CBLB: variants seen among roughly 807,000 people sequenced by gnomAD.
The protein encoded by CBLB is E3 ubiquitin-protein ligase CBL-B.
A neutral mutation model predicts 104.9 loss-of-function variants in CBLB; 31 were observed. The ratio of observed to expected loss-of-function variants is 0.30; its 90% confidence interval spans 0.22 to 0.40. The LOEUF is 0.40. Among genes scored for constraint, CBLB ranks in the 10% least tolerant of loss-of-function variants. CBLB has a pLI of 1.00. For missense variants in CBLB, 1,062 were observed against 1,214.6 expected (o/e 0.87, Z 1.87); for synonymous variants, 440 against 422.6 (o/e 1.04, Z -0.51).
intron 7 of CBLB, 108 bp downstream of exon 7, chr3:105,740,386 T>A: frequency 9.1e-7 from 1 of 1,096,680 alleles, no homozygotes; most frequent in South Asian, 1.3e-5. Context: ...TATTTCTCAG[T>A]CTTAACATAA....
At position 105,670,314 on chromosome 3, in the gene CBLB, G is replaced by A; in HGVS notation, c.2608C>T (p.Pro870Ser). The change falls in exon 18 of 19, where the codon CCT becomes TCT. Residue 870 changes from proline (P) to serine (S), a missense_variant. By Grantham distance (74) the Pro-to-Ser change is moderately conservative. Around this residue, in one of 2 missense-constraint regions of CBLB, gnomAD observed 605 missense variants for 582.6 expected, o/e 1.04. Coordinates refer to ENST00000394030, the MANE Select transcript of CBLB (RefSeq NM_170662.5). ...VDLASGQVPL[P>S]PARRLPGENV... ...TCACCTGGTAACCTTCTAGCAGGAG[G>A]CAAAGGAACTTGGCCACTTGCTAGA... is the stretch of plus-strand genomic sequence containing the variant. 1 of 1,609,112 alleles carries A rather than the reference G, an allele frequency of 6.2e-7. No individual in the cohort carries two copies. The highest frequency in any genetic ancestry group is 8.5e-7 in the Non-Finnish European group (1 of 1,175,762).
chr3:105,855,832 A>C (rs770143596), intron 2 of CBLB, among the ~76,000 whole-genome samples: 1 of 152,266 alleles, frequency 6.6e-6, no homozygotes, highest in Non-Finnish European at 1.5e-5. Context: ...TCACTTTCAT[A>C]AACAATTTGA....
At chr3:105,784,560 C>T (rs569710811) in intron 3 of CBLB, among the ~76,000 whole-genome samples, 49 of 152,210 alleles carry the variant, frequency 3.2e-4, no homozygotes, top group African/African-American at 1.2e-3. Flanking sequence ...TTGCTATTCC[C>T]AGTAGTCTAT....
intron 3 of CBLB, among the ~76,000 whole-genome samples, chr3:105,801,160 T>C (rs909433931): frequency 6.6e-6 from 1 of 152,166 alleles, no homozygotes; most frequent in Non-Finnish European, 1.5e-5. Flanking sequence ...GGCTGAAATA[T>C]TGGCTAATTA....
At chr3:105,692,676 G>A (rs1255573175) in intron 13 of CBLB, among the ~76,000 whole-genome samples, 1 of 151,868 alleles carries the variant, frequency 6.6e-6, no homozygotes, top group Non-Finnish European at 1.5e-5. Context: ...TTAATTTAAT[G>A]GAAAAAGGGA....
At chr3:105,773,733 A>T (rs1451871211) in intron 4 of CBLB, among the ~76,000 whole-genome samples, 1 of 152,232 alleles carries the variant, frequency 6.6e-6, no homozygotes, top group African/African-American at 2.4e-5. Context: ...AGACACATTT[A>T]TTCAATAATG....
chr3:105,825,843 T>C (rs531626000), intron 3 of CBLB, among the ~76,000 whole-genome samples: 1 of 152,312 alleles, frequency 6.6e-6, no homozygotes, highest in South Asian at 2.1e-4. Context: ...ATGTTAAGCA[T>C]TCATTTTCCA....
chr3:105,777,578 G>A (rs1005235999), intron 3 of CBLB, among the ~76,000 whole-genome samples: 4 of 152,172 alleles, frequency 2.6e-5, no homozygotes, highest in African/African-American at 4.8e-5. Flanking sequence ...ACATGAACAC[G>A]CCACTGCACT....
At chr3:105,701,373 T>C (rs1368656153) in intron 12 of CBLB, among the ~76,000 whole-genome samples, 3 of 152,228 alleles carry the variant, frequency 2.0e-5, no homozygotes, top group African/African-American at 7.2e-5. Context: ...TAATGTGCAC[T>C]GTCCCAGGCA....
intron 3 of CBLB, among the ~76,000 whole-genome samples, chr3:105,786,065 G>C (rs1382304258): frequency 7.2e-6 from 1 of 139,188 alleles, no homozygotes; most frequent in East Asian, 2.1e-4. Context: ...GAGGATCGGG[G>C]GGGGGAAAGT....
intron 12 of CBLB, 64 bp downstream of exon 12, chr3:105,702,030 T>C: frequency 6.3e-7 from 1 of 1,594,600 alleles, no homozygotes; most frequent in Non-Finnish European, 8.6e-7. Context: ...CAACCTTTTA[T>C]GCTACTGACC....
intron 3 of CBLB, among the ~76,000 whole-genome samples, chr3:105,789,752 A>AACATAACTAGATTTG (rs2081424939): frequency 6.6e-6 from 1 of 152,166 alleles, no homozygotes; most frequent in Admixed American, 6.5e-5. Flanking sequence ...AAGACAATTT[A>AACATAACTAGATTTG]ACATAACTAG....
chr3:105,799,343 T>C (rs970274198), intron 3 of CBLB, among the ~76,000 whole-genome samples: 3 of 152,132 alleles, frequency 2.0e-5, no homozygotes, highest in Non-Finnish European at 4.4e-5. Context: ...CATTAGAGCA[T>C]GGAAAAGCTA....
Position 105,709,188 on chromosome 3 carries a change from CTTAAAA to C in CBLB, c.1408-5021_1408-5016del, listed in dbSNP as rs1376264679. On this transcript the variant is annotated intron_variant, in intron 10 of 18. Coordinates refer to ENST00000394030, the MANE Select transcript of CBLB (RefSeq NM_170662.5). ...TAGCACTGACCTTTAAAAAAGCAAACTTAAAATTTAATTTAACATGATTAGGCTTTC... is the reference window on the plus strand; with the variant it reads ...TAGCACTGACCTTTAAAAAAGCAAACTTTAATTTAACATGATTAGGCTTTC... Among the ~76,000 whole-genome samples, 9 of 151,866 alleles carry C rather than the reference CTTAAAA, an allele frequency of 5.9e-5. No homozygotes were observed. In the East Asian group the frequency reaches 1.7e-3, roughly 29 times the overall value.
intron 3 of CBLB, among the ~76,000 whole-genome samples, chr3:105,804,494 C>T (rs2083274304): frequency 6.7e-6 from 1 of 150,044 alleles, no homozygotes; most frequent in Non-Finnish European, 1.5e-5. Context: ...GCACTCCAGC[C>T]TGGGTGACAG....
At chr3:105,665,733 T>G (rs1232778541) in intron 18 of CBLB, among the ~76,000 whole-genome samples, 3 of 149,974 alleles carry the variant, frequency 2.0e-5, no homozygotes, top group Non-Finnish European at 4.4e-5. Context: ...TATATAAAAT[T>G]TATATATCTG....
At position 105,768,168 on chromosome 3, in the gene CBLB, T is replaced by C. The variant is rs151121335; in HGVS notation, c.566+8228A>G. On this transcript the variant is annotated intron_variant, in intron 4 of 18. Transcript: ENST00000394030. Reference sequence around the variant, plus strand: ...AGTATGACAACTAGACAAATACTTGTAATAAAACCATAAAAATAGTAAATG... The same window carrying C: ...AGTATGACAACTAGACAAATACTTGCAATAAAACCATAAAAATAGTAAATG... Among the ~76,000 whole-genome samples, 5 of 152,296 alleles carry C rather than the reference T, an allele frequency of 3.3e-5. No homozygotes were observed. The East Asian group carries it at 7.7e-4, about 23-fold the overall frequency.
rs565007537 is a variant in CBLB, at chr3:105,709,849, C to G, written c.1408-5676G>C. 9.5e-4 allele frequency among the ~76,000 whole-genome samples: 144 copies of G among 152,034 alleles called. 1 individual carries two copies. Among genetic ancestry groups the G allele is most frequent in the African/African-American group, 3.4e-3 (143 of 41,548 alleles). On this transcript the variant is annotated intron_variant, in intron 10 of 18. Coordinates refer to ENST00000394030, the MANE Select transcript of CBLB (RefSeq NM_170662.5). ...CCAGATGGTAAAACCAATTTATTCTCTCACCAGCCATGTGTGATAATTACC... is the reference window on the plus strand; with the variant it reads ...CCAGATGGTAAAACCAATTTATTCTGTCACCAGCCATGTGTGATAATTACC...
At chr3:105,734,786 A>C (rs556118775) in intron 8 of CBLB, among the ~76,000 whole-genome samples, 70 of 152,228 alleles carry the variant, frequency 4.6e-4, no homozygotes, top group Non-Finnish European at 8.2e-4. Flanking sequence ...TAAAAAGTGC[A>C]TACGCTTTCC....
Sources: allele counts gnomAD v4.1 joint callset (sites outside exome capture counted in the v4.1 genomes callset), GRCh38; gene constraint gnomAD v4.1.1; regional missense constraint gnomAD v4.1.1; transcripts MANE v1.5; gene names NCBI Gene and HGNC (gene_info 2026-07-23, HGNC 2026-07-21).